The following SCFD2 variants were observed in gnomAD, a reference collection of about 807,000 sequenced individuals.
The protein encoded by SCFD2 is sec1 family domain containing 2.
Under a neutral mutation model 58.9 loss-of-function variants are expected in SCFD2, and 54 were observed. The ratio of observed to expected loss-of-function variants is 0.92; its 90% confidence interval spans 0.74 to 1.15. The LOEUF is 1.15. Ranked by LOEUF, SCFD2 falls within the 50% of genes most tolerant of loss-of-function variation. The pLI is 0.00. For synonymous variants in SCFD2, 321 were observed against 335.9 expected (o/e 0.96, Z 0.49); for missense variants, 805 against 836.6 (o/e 0.96, Z 0.47).
At chr4:53,288,095 T>C (rs1553896302) in intron 3 of SCFD2, among the ~76,000 whole-genome samples, 1 of 150,868 alleles carries the variant, frequency 6.6e-6, no homozygotes, top group Non-Finnish European at 1.5e-5. Flanking sequence ...TAATAAACTA[T>C]AAAAAAAATT....
chr4:53,139,536 C>T (rs548196346), intron 5 of SCFD2, among the ~76,000 whole-genome samples: 9 of 86,186 alleles, frequency 1.0e-4, no homozygotes, highest in African/African-American at 2.6e-4. Flanking sequence ...GCAGCTGCCC[C>T]GTCTGGGAAG....
At chr4:53,197,880 T>C (rs1205982218) in intron 4 of SCFD2, among the ~76,000 whole-genome samples, 13 of 150,924 alleles carry the variant, frequency 8.6e-5, no homozygotes, top group African/African-American at 3.2e-4. Context: ...GGTAAAAAAA[T>C]ATTTACAAGT....
chr4:53,304,353 C>A (rs1732443467), intron 3 of SCFD2, among the ~76,000 whole-genome samples: 2 of 152,180 alleles, frequency 1.3e-5, no homozygotes, highest in Middle Eastern at 3.4e-3. Context: ...CTCTGTATTT[C>A]CGGAATTTGA....
chr4:53,028,588 C>T (rs1722539324), intron 5 of SCFD2, among the ~76,000 whole-genome samples: 1 of 151,766 alleles, frequency 6.6e-6, no homozygotes, highest in South Asian at 2.1e-4. Context: ...CAATAGAGTG[C>T]TTCTTATTCA....
At chr4:53,353,431 C>T (rs1247516640) in intron 1 of SCFD2, among the ~76,000 whole-genome samples, 1 of 152,194 alleles carries the variant, frequency 6.6e-6, no homozygotes, top group African/African-American at 2.4e-5. Flanking sequence ...ATGAACAAAG[C>T]TCCAACAGTG....
chr4:53,284,235 A>T (rs1293925860), intron 3 of SCFD2, among the ~76,000 whole-genome samples: 1 of 152,214 alleles, frequency 6.6e-6, no homozygotes, highest in Non-Finnish European at 1.5e-5. Flanking sequence ...TGAGTAAAAA[A>T]AAAAAATCAA....
intron 4 of SCFD2, among the ~76,000 whole-genome samples, chr4:53,228,418 T>C (rs1729301301): frequency 1.3e-5 from 2 of 152,220 alleles, no homozygotes; most frequent in African/African-American, 4.8e-5. Context: ...AACCCTTATG[T>C]ACAAGTTGTC....
At chr4:53,325,188 TGTGC>T (rs1342791780) in intron 2 of SCFD2, among the ~76,000 whole-genome samples, 1 of 150,490 alleles carries the variant, frequency 6.6e-6, no homozygotes, top group East Asian at 1.9e-4. Context: ...TGTGTGTGTG[TGTGC>T]GCGTGCGCGC....
intron 7 of SCFD2, among the ~76,000 whole-genome samples, chr4:52,903,584 A>G (rs1719274735): frequency 6.6e-6 from 1 of 152,236 alleles, no homozygotes; most frequent in Admixed American, 6.5e-5. Context: ...TAAGGCCTAT[A>G]CAGGTGCCGA....
At chr4:53,014,564 C>G (rs910753650) in intron 5 of SCFD2, among the ~76,000 whole-genome samples, 6 of 152,226 alleles carry the variant, frequency 3.9e-5, no homozygotes, top group African/African-American at 1.4e-4. Context: ...CAGCATTTAT[C>G]AAGAACCTCA....
chr4:53,220,729 C>G (rs1255526441), intron 4 of SCFD2, among the ~76,000 whole-genome samples: 1 of 152,160 alleles, frequency 6.6e-6, no homozygotes. Flanking sequence ...CAAGGCTTCA[C>G]ACATATCACA....
intron 4 of SCFD2, among the ~76,000 whole-genome samples, chr4:53,215,536 A>T (rs1162415524): frequency 6.6e-6 from 1 of 152,106 alleles, no homozygotes; most frequent in African/African-American, 2.4e-5. Context: ...CAGCTGAAGG[A>T]GATTTTGGGC....
At chr4:53,193,963 G>T (rs986905270) in intron 4 of SCFD2, among the ~76,000 whole-genome samples, 1 of 152,058 alleles carries the variant, frequency 6.6e-6, no homozygotes, top group Non-Finnish European at 1.5e-5. Flanking sequence ...TTACTCTGGC[G>T]ATCAGCATCA....
At chr4:52,903,872 C>T (rs1719282898) in intron 7 of SCFD2, among the ~76,000 whole-genome samples, 1 of 152,120 alleles carries the variant, frequency 6.6e-6, no homozygotes, top group Non-Finnish European at 1.5e-5. Flanking sequence ...AAAACGCTAG[C>T]ATGAAGAAAA....
intron 5 of SCFD2, among the ~76,000 whole-genome samples, chr4:53,132,934 T>C (rs1020256684): frequency 1.3e-5 from 2 of 152,216 alleles, no homozygotes; most frequent in Non-Finnish European, 2.9e-5. Flanking sequence ...TGAAATTTGA[T>C]GAATTACTGA....
At chr4:53,300,113 G>A (rs755218663) in intron 3 of SCFD2, among the ~76,000 whole-genome samples, 15 of 152,152 alleles carry the variant, frequency 9.9e-5, no homozygotes, top group Non-Finnish European at 1.2e-4. Flanking sequence ...AACCTTAAAT[G>A]TAAATGGGCT....
At chr4:52,946,920 G>T (rs1313750641) in intron 5 of SCFD2, among the ~76,000 whole-genome samples, 1 of 152,098 alleles carries the variant, frequency 6.6e-6, no homozygotes, top group African/African-American at 2.4e-5. Flanking sequence ...ACCTCAGCAG[G>T]CTCGATGGCA....
At chr4:53,103,911 A>C (rs1213246303) in intron 5 of SCFD2, among the ~76,000 whole-genome samples, 1 of 150,204 alleles carries the variant, frequency 6.7e-6, no homozygotes, top group Admixed American at 6.6e-5. Context: ...AAAAAAAAAA[A>C]AAAAAGAAAA....
intron 7 of SCFD2, among the ~76,000 whole-genome samples, chr4:52,891,063 G>A (rs547824262): frequency 6.6e-6 from 1 of 152,082 alleles, no homozygotes; most frequent in Non-Finnish European, 1.5e-5. Context: ...GCCTTAAGGG[G>A]TACTAAGCCT....
Sources: gnomAD v4.1 joint callset for allele counts (sites outside exome capture counted in the v4.1 genomes callset) on GRCh38, gnomAD v4.1.1 for gene constraint, MANE v1.5 for transcripts, NCBI Gene and HGNC (gene_info 2026-07-23, HGNC 2026-07-21) for gene names.